Variants in FHIT observed in about 807,000 individuals in gnomAD.
The protein encoded by FHIT is fragile histidine triad diadenosine triphosphatase.
FHIT carries 19 observed loss-of-function variants against 17.9 expected under a neutral mutation model. The observed-to-expected ratio is 1.06, with a 90% CI of 0.74 to 1.56. The LOEUF (loss-of-function observed/expected upper bound fraction) is 1.56. Ranked by LOEUF, FHIT falls within the 40% of genes most tolerant of loss-of-function variation. FHIT has a pLI of 0.00. For synonymous variants in FHIT, 81 were observed against 69.7 expected (o/e 1.16, Z -0.81); for missense variants, 248 against 189.2 (o/e 1.31, Z -1.82).
intron 5 of FHIT, among the ~76,000 whole-genome samples, chr3:60,196,239 C>T (rs571091544): frequency 1.3e-5 from 2 of 152,236 alleles, no homozygotes; most frequent in South Asian, 4.2e-4. Context: ...TGTGTTCCTT[C>T]TGGGGGCTCT....
chr3:60,188,573 A>C lies in FHIT; in HGVS notation c.104-174421T>G, dbSNP rs149954740. ...TTGGACACAGATTTTGTGAAGTTTC[A>C]TATGAGTTAAGGAGTGCCTTCATTT... On this transcript the variant is annotated intron_variant, in intron 5 of 9. Coordinates refer to ENST00000492590, the MANE Select transcript of FHIT (RefSeq NM_002012.4). Among the ~76,000 whole-genome samples the C allele has an allele frequency of 8.3e-4, 126 of 152,302 alleles. 1 individual carries two copies. The highest frequency in any genetic ancestry group is 1.6e-3 in the Admixed American group (25 of 15,292).
At chr3:60,908,183 G>T (rs542058603) in intron 3 of FHIT, among the ~76,000 whole-genome samples, 1 of 152,158 alleles carries the variant, frequency 6.6e-6, no homozygotes. Flanking sequence ...AAGAAGATCA[G>T]CAATAACTGG....
intron 1 of FHIT, among the ~76,000 whole-genome samples, chr3:61,216,568 T>C (rs2039682149): frequency 6.6e-6 from 1 of 152,166 alleles, no homozygotes; most frequent in African/African-American, 2.4e-5. Flanking sequence ...AGTTCAACCA[T>C]TGTGGAAGTC....
intron 5 of FHIT, among the ~76,000 whole-genome samples, chr3:60,505,782 T>C (rs772784125): frequency 6.6e-5 from 10 of 152,210 alleles, no homozygotes; most frequent in African/African-American, 1.7e-4. Flanking sequence ...TGCTATCCCA[T>C]TGGCATCCAT....
At chr3:59,913,341 T>C (rs759027069) in intron 8 of FHIT, among the ~76,000 whole-genome samples, 12 of 152,138 alleles carry the variant, frequency 7.9e-5, no homozygotes, top group Non-Finnish European at 1.5e-4. Flanking sequence ...AATTGAAGGA[T>C]AATATTTTCC....
At chr3:60,697,155 A>G (rs1553700820) in intron 4 of FHIT, among the ~76,000 whole-genome samples, 1 of 152,206 alleles carries the variant, frequency 6.6e-6, no homozygotes, top group Admixed American at 6.5e-5. Flanking sequence ...TTCAATTTAT[A>G]TAAAATTTAA....
At chr3:59,868,142 A>G (rs1347990729) in intron 8 of FHIT, among the ~76,000 whole-genome samples, 1 of 151,972 alleles carries the variant, frequency 6.6e-6, no homozygotes, top group Non-Finnish European at 1.5e-5. Context: ...TCTTTAAAAA[A>G]TGAAATTTTC....
intron 5 of FHIT, among the ~76,000 whole-genome samples, chr3:60,266,587 G>A (rs1017164387): frequency 1.3e-5 from 2 of 151,996 alleles, no homozygotes; most frequent in Admixed American, 1.3e-4. Flanking sequence ...TTTGAGCAGG[G>A]GAAGGGAAAG....
At chr3:60,735,929 G>A (rs998299611) in intron 4 of FHIT, among the ~76,000 whole-genome samples, 3 of 152,130 alleles carry the variant, frequency 2.0e-5, no homozygotes, top group African/African-American at 7.2e-5. Context: ...CCTCATGCAG[G>A]TACCCTAATA....
At chr3:60,706,336 A>G (rs1321979235) in intron 4 of FHIT, among the ~76,000 whole-genome samples, 2 of 152,180 alleles carry the variant, frequency 1.3e-5, no homozygotes, top group African/African-American at 4.8e-5. Context: ...GCAAACCACC[A>G]TGGCACATGT....
At chr3:60,539,602 T>C (rs569014050) in intron 4 of FHIT, among the ~76,000 whole-genome samples, 3 of 152,354 alleles carry the variant, frequency 2.0e-5, no homozygotes, top group African/African-American at 4.8e-5. Context: ...CGTGGAATAC[T>C]ATGCAGCCAT....
chr3:59,926,840 G>C (rs1020302008), intron 7 of FHIT, among the ~76,000 whole-genome samples: 2 of 152,192 alleles, frequency 1.3e-5, no homozygotes, highest in East Asian at 3.8e-4. Context: ...GCGTTGGCCA[G>C]AGTGTGGAGA....
chr3:59,904,316 T>TAAA (rs35782604), intron 8 of FHIT, among the ~76,000 whole-genome samples: 1,746 of 130,540 alleles, frequency 0.013, 32 homozygotes, highest in African/African-American at 0.047. Context: ...GGAAACTAAT[T>TAAA]AAAAAAAAAA....
chr3:60,246,228 T>C (rs1354430600), intron 5 of FHIT, among the ~76,000 whole-genome samples: 2 of 151,978 alleles, frequency 1.3e-5, no homozygotes, highest in Admixed American at 1.3e-4. Flanking sequence ...TTTAGAACAG[T>C]TATACTAAAA....
At chr3:60,470,562 G>A (rs1191389061) in intron 5 of FHIT, among the ~76,000 whole-genome samples, 1 of 151,918 alleles carries the variant, frequency 6.6e-6, no homozygotes, top group Non-Finnish European at 1.5e-5. Flanking sequence ...TCTTCAGTGA[G>A]CTTGTGGTGA....
chr3:59,882,403 A>C (rs1243207431), intron 8 of FHIT, among the ~76,000 whole-genome samples: 2 of 152,190 alleles, frequency 1.3e-5, no homozygotes, highest in Non-Finnish European at 2.9e-5. Context: ...ACAGATTATC[A>C]GGAAGAGAGA....
chr3:60,344,336 G>C (rs1710669695), intron 5 of FHIT, among the ~76,000 whole-genome samples: 1 of 152,166 alleles, frequency 6.6e-6, no homozygotes, highest in Admixed American at 6.6e-5. Flanking sequence ...GTCCAACAAA[G>C]AGAATATGAA....
intron 7 of FHIT, among the ~76,000 whole-genome samples, chr3:59,925,240 A>T (rs372272016): frequency 2.9e-4 from 44 of 152,188 alleles, no homozygotes; most frequent in Admixed American, 2.4e-3. Flanking sequence ...AATGGCTGGG[A>T]CTACAGGTGC....
At chr3:61,053,884 G>A (rs1266589766) in intron 2 of FHIT, among the ~76,000 whole-genome samples, 2 of 152,112 alleles carry the variant, frequency 1.3e-5, no homozygotes, top group Non-Finnish European at 2.9e-5. Context: ...ATTAGAAACT[G>A]GCACAGGTCC....
Sources: allele counts gnomAD v4.1 joint callset (sites outside exome capture counted in the v4.1 genomes callset), GRCh38; gene constraint gnomAD v4.1.1; transcripts MANE v1.5; gene names NCBI Gene and HGNC (gene_info 2026-07-23, HGNC 2026-07-21).